Variants in CNTNAP2 observed in about 807,000 individuals in gnomAD.
CNTNAP2 encodes the protein contactin associated protein 2, also known as contactin-associated protein-like 2.
A neutral mutation model predicts 155.2 loss-of-function variants in CNTNAP2; 98 were observed. The ratio of observed to expected loss-of-function variants is 0.63; its 90% CI spans 0.54 to 0.75. The LOEUF is 0.75. Among genes scored for constraint, CNTNAP2 ranks in the 30% least tolerant of loss-of-function variants. The pLI is 0.00. For synonymous variants in CNTNAP2, 651 were observed against 631.2 expected, an observed-to-expected ratio of 1.03 and a Z score of -0.47; for missense variants, 1,727 against 1,688.1, an observed-to-expected ratio of 1.02 and a Z score of -0.40.
At chr7:146,855,829 ATATATATATATATATAT>A (rs1033187818) in intron 3 of CNTNAP2, among the ~76,000 whole-genome samples, 8 of 121,542 alleles carry the variant, frequency 6.6e-5, no homozygotes, top group Non-Finnish European at 1.7e-5. Context: ...ATATATATAT[ATATATATATATATATAT>A]ATATATACAC....
At chr7:146,826,849 T>TAGAG (rs1338280578) in intron 2 of CNTNAP2, among the ~76,000 whole-genome samples, 23 of 142,606 alleles carry the variant, frequency 1.6e-4, no homozygotes, top group African/African-American at 5.3e-4. Flanking sequence ...TATATATATA[T>TAGAG]ATATATATAG....
At chr7:148,213,445 T>A (rs1795582705) in intron 18 of CNTNAP2, among the ~76,000 whole-genome samples, 1 of 152,088 alleles carries the variant, frequency 6.6e-6, no homozygotes, top group Non-Finnish European at 1.5e-5. Flanking sequence ...GCCCAGACCC[T>A]TCCCTCCCTA....
chr7:147,640,328 C>T (rs1371697336), intron 13 of CNTNAP2, among the ~76,000 whole-genome samples: 2 of 151,986 alleles, frequency 1.3e-5, no homozygotes, highest in African/African-American at 4.8e-5. Context: ...ATACAATAGA[C>T]CTTTTGATAT....
chr7:146,524,926 A>G (rs528020333), intron 1 of CNTNAP2, among the ~76,000 whole-genome samples: 1 of 152,114 alleles, frequency 6.6e-6, no homozygotes, highest in South Asian at 2.1e-4. Context: ...AAGATTCATT[A>G]TATTTCCTAG....
At chr7:146,904,150 C>T (rs1053988622) in intron 3 of CNTNAP2, among the ~76,000 whole-genome samples, 1 of 152,128 alleles carries the variant, frequency 6.6e-6, no homozygotes, top group East Asian at 1.9e-4. Context: ...AATAAGCAAG[C>T]TTTTCAGCCA....
chr7:146,191,712 C>T (rs754905738), intron 1 of CNTNAP2, among the ~76,000 whole-genome samples: 4 of 152,110 alleles, frequency 2.6e-5, no homozygotes, highest in Non-Finnish European at 4.4e-5. Flanking sequence ...AAGAATTCAG[C>T]GATATTTCTC....
At chr7:147,374,665 T>A (rs560647056) in intron 9 of CNTNAP2, among the ~76,000 whole-genome samples, 2 of 152,070 alleles carry the variant, frequency 1.3e-5, no homozygotes, top group African/African-American at 4.8e-5. Context: ...AAGTCTTCCA[T>A]TGAGACAGTA....
At chr7:146,159,165 A>C (rs1379990183) in intron 1 of CNTNAP2, among the ~76,000 whole-genome samples, 2 of 152,194 alleles carry the variant, frequency 1.3e-5, no homozygotes, top group Non-Finnish European at 2.9e-5. Context: ...AGGAGAAATA[A>C]AATCCTTTAC....
intron 21 of CNTNAP2, among the ~76,000 whole-genome samples, chr7:148,278,586 A>AG (rs1410473351): frequency 6.6e-6 from 1 of 151,790 alleles, no homozygotes; most frequent in African/African-American, 2.4e-5. Context: ...AAAAAAAAAA[A>AG]AAGCCTGAGC....
At chr7:148,017,477 A>G (rs1367396264) in intron 15 of CNTNAP2, among the ~76,000 whole-genome samples, 1 of 152,248 alleles carries the variant, frequency 6.6e-6, no homozygotes, top group African/African-American at 2.4e-5. Flanking sequence ...CTAAATATAT[A>G]AGACCAAAAG....
chr7:147,501,967 A>T (rs1328528713), intron 11 of CNTNAP2, among the ~76,000 whole-genome samples: 1 of 152,182 alleles, frequency 6.6e-6, no homozygotes, highest in African/African-American at 2.4e-5. Flanking sequence ...TCCCACTTGT[A>T]ATAGTATCAA....
intron 1 of CNTNAP2, among the ~76,000 whole-genome samples, chr7:146,196,146 G>A (rs762312169): frequency 6.6e-6 from 1 of 152,192 alleles, no homozygotes; most frequent in South Asian, 2.1e-4. Flanking sequence ...TTACATTTGA[G>A]TGCACAGTGA....
At chr7:147,965,237 T>A (rs941661335) in intron 14 of CNTNAP2, among the ~76,000 whole-genome samples, 1 of 152,194 alleles carries the variant, frequency 6.6e-6, no homozygotes, top group Admixed American at 6.6e-5. Flanking sequence ...CATAAGGCAG[T>A]AATATTCATG....
chr7:148,067,670 G>T (rs1303562545), intron 15 of CNTNAP2, among the ~76,000 whole-genome samples: 1 of 152,230 alleles, frequency 6.6e-6, no homozygotes, highest in East Asian at 1.9e-4. Flanking sequence ...TGCCTGAATA[G>T]GTATTTGGGC....
chr7:147,036,984 CT>C (rs1340067917), intron 3 of CNTNAP2, among the ~76,000 whole-genome samples: 3 of 152,096 alleles, frequency 2.0e-5, no homozygotes, highest in African/African-American at 7.2e-5. Context: ...AAGATGCCCC[CT>C]AGCTGACAAA....
chr7:147,300,421 T>C, intron 9 of CNTNAP2, 131 bp downstream of exon 9: 1 of 1,039,434 alleles, frequency 9.6e-7, no homozygotes, highest in East Asian at 2.5e-5. Flanking sequence ...AAACTGTAAT[T>C]CCACTGAGCA....
chr7:146,481,095 G>A (rs1469924967), intron 1 of CNTNAP2, among the ~76,000 whole-genome samples: 1 of 152,042 alleles, frequency 6.6e-6, no homozygotes, highest in African/African-American at 2.4e-5. Context: ...CTGCCAGCCA[G>A]TAGTAAATGG....
At chr7:147,484,992 G>C (rs1798486225) in intron 10 of CNTNAP2, among the ~76,000 whole-genome samples, 1 of 152,160 alleles carries the variant, frequency 6.6e-6, no homozygotes, top group African/African-American at 2.4e-5. Flanking sequence ...ATCAGGTTGT[G>C]GGGTAGATGG....
intron 13 of CNTNAP2, among the ~76,000 whole-genome samples, chr7:147,816,800 A>G (rs1798273094): frequency 6.6e-6 from 1 of 152,212 alleles, no homozygotes; most frequent in Non-Finnish European, 1.5e-5. Flanking sequence ...TTGCAATGTT[A>G]ATAAAATAAC....
Sources: gnomAD v4.1 joint callset for allele counts (sites outside exome capture counted in the v4.1 genomes callset) on GRCh38, gnomAD v4.1.1 for gene constraint, MANE v1.5 for transcripts, NCBI Gene and HGNC (gene_info 2026-07-23, HGNC 2026-07-21) for gene names.